Variants in CAPZA1 observed in about 807,000 individuals in gnomAD.
The protein encoded by CAPZA1 is capping actin protein of muscle Z-line subunit alpha 1, also known as F-actin-capping protein subunit alpha-1.
CAPZA1 carries 10 observed loss-of-function variants against 40.8 expected under a neutral mutation model. That is an observed-to-expected ratio of 0.25 (90% confidence interval 0.15 to 0.42). CAPZA1 has a LOEUF of 0.42. Ranked by LOEUF, CAPZA1 falls within the 10% of genes least tolerant of loss-of-function variation. CAPZA1 has a pLI of 1.00. For synonymous variants in CAPZA1, 98 were observed against 115.0 expected (o/e 0.85, Z 0.95); for missense variants, 277 against 353.8 (o/e 0.78, Z 1.74).
At chr1:112,638,063 G>A (rs542731107) in intron 1 of CAPZA1, among the ~76,000 whole-genome samples, 1 of 152,228 alleles carries the variant, frequency 6.6e-6, no homozygotes, top group East Asian at 1.9e-4. Context: ...AAATAAAGCA[G>A]TAAAAGGGCT....
chr1:112,623,040 C>T (rs1304604778), intron 1 of CAPZA1, among the ~76,000 whole-genome samples: 1 of 152,058 alleles, frequency 6.6e-6, no homozygotes, highest in African/African-American at 2.4e-5. Flanking sequence ...CACCTGCCAC[C>T]ACACCCGGCT....
chr1:112,621,609 C>T (rs1403233252), intron 1 of CAPZA1, among the ~76,000 whole-genome samples: 1 of 152,100 alleles, frequency 6.6e-6, no homozygotes, highest in Non-Finnish European at 1.5e-5. Context: ...CTACCTGATA[C>T]ACATTGACCA....
chr1:112,653,400 G>A (rs767865639), intron 3 of CAPZA1, among the ~76,000 whole-genome samples, 198 bp from the exon 4 acceptor site: 25 of 152,154 alleles, frequency 1.6e-4, no homozygotes, highest in Non-Finnish European at 3.1e-4. Flanking sequence ...CAAGATCTCC[G>A]TAGAGAGGAG....
At chr1:112,621,794 C>G (rs1343807469) in intron 1 of CAPZA1, among the ~76,000 whole-genome samples, 1 of 135,988 alleles carries the variant, frequency 7.4e-6, no homozygotes, top group Non-Finnish European at 1.5e-5. Context: ...TGGAGTCTCG[C>G]TCTGTCACCC....
Position 112,670,216 on chromosome 1 carries a change from GA to G in CAPZA1, c.*85del, listed in dbSNP as rs2101196430. 2 of 1,522,894 alleles carry G rather than the reference GA, an allele frequency of 1.3e-6. No homozygotes were observed. Among genetic ancestry groups the G allele is most frequent in the Non-Finnish European group, 1.8e-6 (2 of 1,109,212 alleles). 94.3% of individuals were successfully genotyped at this position (1,522,894 alleles called of 1,614,324 possible). A position where few individuals can be genotyped will look rare whatever the true frequency, so the allele number is the denominator to read the frequency against. ...TGATAAATAAGTGATTTATAAACAA[GA>G]GTGATATTTTGCTAGGGCTTTCAAA... On this transcript the variant is annotated 3_prime_UTR_variant, in exon 10 of 10. Transcript: ENST00000263168.
chr1:112,621,620 G>A (rs1320315597), intron 1 of CAPZA1, among the ~76,000 whole-genome samples: 1 of 152,056 alleles, frequency 6.6e-6, no homozygotes, highest in Non-Finnish European at 1.5e-5. Context: ...ACATTGACCA[G>A]TGTTGTTGGA....
At chr1:112,629,717 C>T (rs768725144) in intron 1 of CAPZA1, among the ~76,000 whole-genome samples, 2 of 152,168 alleles carry the variant, frequency 1.3e-5, no homozygotes, top group African/African-American at 2.4e-5. Flanking sequence ...GGAATGAAAC[C>T]AGATTTGGTA....
intron 8 of CAPZA1, among the ~76,000 whole-genome samples, chr1:112,667,357 T>C (rs1417729153): frequency 1.3e-5 from 2 of 152,234 alleles, no homozygotes; most frequent in Non-Finnish European, 2.9e-5. Context: ...TTTAGACAAA[T>C]GTCCTTCTTA....
At chr1:112,642,185 T>TGAAGACTACCCC (rs1553179475) in intron 1 of CAPZA1, among the ~76,000 whole-genome samples, 1 of 143,530 alleles carries the variant, frequency 7.0e-6, no homozygotes, top group Non-Finnish European at 1.5e-5. Context: ...TCACAGCCTC[T>TGAAGACTACCCC]GAAGACTACC....
At chr1:112,666,973 G>T in intron 7 of CAPZA1, 101 bp from the exon 8 acceptor site, 1 of 709,408 alleles carries the variant, frequency 1.4e-6, no homozygotes. Flanking sequence ...TGGTAAAATG[G>T]CTCATCAACT....
intron 7 of CAPZA1, among the ~76,000 whole-genome samples, chr1:112,661,008 C>A (rs1202953967): frequency 1.3e-5 from 2 of 151,982 alleles, no homozygotes; most frequent in East Asian, 1.9e-4. Flanking sequence ...CAGGCACACA[C>A]CACCACGCCC....
At chr1:112,652,627 C>A (rs1004191093) in intron 3 of CAPZA1, among the ~76,000 whole-genome samples, 1 of 152,002 alleles carries the variant, frequency 6.6e-6, no homozygotes, top group Non-Finnish European at 1.5e-5. Context: ...TGAGTTTTCA[C>A]ATGCATGTGT....
At position 112,669,142 on chromosome 1, in the gene CAPZA1, G is replaced by GCATT. The variant is rs200592923; in HGVS notation, c.658-400_658-397dup. 3.4e-4 allele frequency among the ~76,000 whole-genome samples: 52 copies of GCATT among 152,272 alleles called. No homozygotes were observed. In the East Asian group the frequency reaches 9.3e-3, roughly 27 times the overall value. ...ATGTATATGACTGATGTGTCCAAGG[G>GCATT]CATTGTTCATACCATTTTAAACCAG... On this transcript the variant is annotated intron_variant, in intron 8 of 9. Transcript: ENST00000263168.
chr1:112,629,882 C>T (rs542863537), intron 1 of CAPZA1, among the ~76,000 whole-genome samples: 26 of 152,242 alleles, frequency 1.7e-4, no homozygotes, highest in Admixed American at 5.9e-4. Flanking sequence ...CCCTTCCACC[C>T]TATCTAAAGT....
At chr1:112,637,895 A>G (rs1468831839) in intron 1 of CAPZA1, among the ~76,000 whole-genome samples, 13 of 152,216 alleles carry the variant, frequency 8.5e-5, no homozygotes, top group Admixed American at 7.9e-4. Context: ...GAACACAACC[A>G]TGCTTAACAG....
In CAPZA1 at chr1:112,670,362, C is replaced by CTTTTTT. The variant is rs58051216; in HGVS notation, c.*244_*249dup. 103 of 150,218 alleles carry CTTTTTT rather than the reference C, an allele frequency of 6.9e-4. 1 individual carries two copies. The highest frequency in any genetic ancestry group is 2.0e-3 in the South Asian group (19 of 9,708). 9.3% of individuals were successfully genotyped at this position (150,218 alleles called of 1,614,324 possible). A position where few individuals can be genotyped will look rare whatever the true frequency, so the allele number is the denominator to read the frequency against. ...TATATCTACGTGTAAATCTTTTTTT[C>CTTTTTT]TTTTTTTTTTTTTTTTTTTGGTTAA... is the stretch of plus-strand genomic sequence containing the variant. On this transcript the variant is annotated 3_prime_UTR_variant, in exon 10 of 10. Coordinates refer to ENST00000263168, the MANE Select transcript of CAPZA1 (RefSeq NM_006135.3).
chr1:112,657,140 TC>T (rs1177096515), intron 5 of CAPZA1, among the ~76,000 whole-genome samples: 1 of 151,984 alleles, frequency 6.6e-6, no homozygotes, highest in African/African-American at 2.4e-5. Flanking sequence ...GACCTTGTAA[TC>T]CGTTCGCCTC....
intron 1 of CAPZA1, among the ~76,000 whole-genome samples, chr1:112,644,544 A>G (rs943661584): frequency 3.1e-4 from 47 of 152,258 alleles, no homozygotes; most frequent in African/African-American, 1.1e-3. Context: ...CTGCTGAAGA[A>G]TAGTTTGATG....
chr1:112,647,747 T>C (rs1671310296), intron 2 of CAPZA1, among the ~76,000 whole-genome samples: 1 of 152,218 alleles, frequency 6.6e-6, no homozygotes, highest in South Asian at 2.1e-4. Flanking sequence ...ATTCATTAGA[T>C]CTGAGGTGGA....
Sources: gnomAD v4.1 joint callset for allele counts (sites outside exome capture counted in the v4.1 genomes callset) on GRCh38, gnomAD v4.1.1 for gene constraint, MANE v1.5 for transcripts, NCBI Gene and HGNC (gene_info 2026-07-23, HGNC 2026-07-21) for gene names.